The following ULK4 variants were observed in gnomAD, a reference collection of about 807,000 sequenced individuals.
ULK4 encodes the protein unc-51 like kinase 4, also known as inactive serine/threonine-protein kinase ULK4.
A neutral mutation model predicts 160.6 loss-of-function variants in ULK4; 133 were observed. The observed-to-expected ratio is 0.83, with a 90% CI of 0.72 to 0.96. The LOEUF is 0.96. Among genes scored for constraint, ULK4 ranks in the 40% least tolerant of loss-of-function variants. ULK4 has a pLI of 0.00. For synonymous variants in ULK4, 534 were observed against 539.8 expected, an observed-to-expected ratio of 0.99 and a Z score of 0.15; for missense variants, 1,580 against 1,499.5, an observed-to-expected ratio of 1.05 and a Z score of -0.89.
At chr3:41,848,868 G>A (rs766876232) in intron 17 of ULK4, among the ~76,000 whole-genome samples, 1 of 152,178 alleles carries the variant, frequency 6.6e-6, no homozygotes, top group Admixed American at 6.5e-5. Flanking sequence ...AATAGATAGT[G>A]CTGTCCAGTT....
intron 12 of ULK4, among the ~76,000 whole-genome samples, chr3:41,901,479 C>CTTGTTTTTTTTTTTTTTTTTTTTTT (rs1698359125): frequency 1.3e-4 from 3 of 22,546 alleles, no homozygotes; most frequent in Non-Finnish European, 5.2e-4. Flanking sequence ...CACGCCCAGC[C>CTTGTTTTTTTTTTTTTTTTTTTTTT]TTTTTTTTTT....
intron 17 of ULK4, among the ~76,000 whole-genome samples, chr3:41,862,418 T>C (rs2042520296): frequency 6.6e-6 from 1 of 151,884 alleles, no homozygotes; most frequent in African/African-American, 2.4e-5. Context: ...ATAAAGTTCA[T>C]TGGTGAGGTC....
chr3:41,823,751 T>G (rs1185856471), intron 18 of ULK4, among the ~76,000 whole-genome samples: 1 of 152,248 alleles, frequency 6.6e-6, no homozygotes, highest in African/African-American at 2.4e-5. Context: ...AAGTTATTTA[T>G]TTTTGTAGAC....
intron 35 of ULK4, among the ~76,000 whole-genome samples, chr3:41,348,480 C>T (rs1342235734): frequency 6.6e-6 from 1 of 152,076 alleles, no homozygotes; most frequent in African/African-American, 2.4e-5. Context: ...CTATTATTAT[C>T]CTGGCTTTAC....
chr3:41,687,623 T>G (rs1240020936), intron 27 of ULK4, among the ~76,000 whole-genome samples: 4 of 152,146 alleles, frequency 2.6e-5, no homozygotes, highest in Admixed American at 6.5e-5. Flanking sequence ...TCCTGTGCCT[T>G]CCCATATAAG....
At chr3:41,863,887 G>A (rs946921459) in intron 17 of ULK4, among the ~76,000 whole-genome samples, 1 of 151,502 alleles carries the variant, frequency 6.6e-6, no homozygotes, top group Non-Finnish European at 1.5e-5. Context: ...TTTTTTTGGA[G>A]CCGCGAGCTA....
chr3:41,378,454 A>T (rs961044102), intron 35 of ULK4, among the ~76,000 whole-genome samples: 4 of 152,042 alleles, frequency 2.6e-5, no homozygotes, highest in Non-Finnish European at 4.4e-5. Flanking sequence ...ATGCAGCCAT[A>T]AAAAAGGATG....
At chr3:41,518,350 C>T (rs1262442849) in intron 32 of ULK4, among the ~76,000 whole-genome samples, 1 of 152,144 alleles carries the variant, frequency 6.6e-6, no homozygotes, top group Non-Finnish European at 1.5e-5. Context: ...TTTGGGGACT[C>T]ATTTTTAAGT....
chr3:41,956,452 T>C (rs998248828), intron 1 of ULK4, among the ~76,000 whole-genome samples: 44 of 152,306 alleles, frequency 2.9e-4, no homozygotes, highest in African/African-American at 1.1e-3. Context: ...CATTCTTTCC[T>C]TGCTGTGCTG....
chr3:41,697,492 CGT>C (rs1471605265), intron 27 of ULK4, among the ~76,000 whole-genome samples: 3 of 151,930 alleles, frequency 2.0e-5, no homozygotes, highest in Non-Finnish European at 4.4e-5. Context: ...AACTGTACAA[CGT>C]GTGTTTTAAA....
At chr3:41,855,206 C>A (rs955330946) in intron 17 of ULK4, among the ~76,000 whole-genome samples, 3 of 137,664 alleles carry the variant, frequency 2.2e-5, no homozygotes, top group Admixed American at 2.1e-4. Context: ...GGTACCTTGA[C>A]CACGACTCTT....
At chr3:41,725,461 A>T (rs554836375) in intron 22 of ULK4, among the ~76,000 whole-genome samples, 45 of 152,272 alleles carry the variant, frequency 3.0e-4, no homozygotes, top group African/African-American at 1.0e-3. Flanking sequence ...TCTCCCAGAT[A>T]GCATTTCTCT....
intron 27 of ULK4, among the ~76,000 whole-genome samples, chr3:41,683,198 G>T (rs1173115769): frequency 1.3e-5 from 2 of 151,972 alleles, no homozygotes; most frequent in Non-Finnish European, 2.9e-5. Context: ...GTTTAACCGT[G>T]GCTTTTACTT....
At chr3:41,869,812 C>T (rs1411217650) in intron 17 of ULK4, among the ~76,000 whole-genome samples, 1 of 152,152 alleles carries the variant, frequency 6.6e-6, no homozygotes, top group Non-Finnish European at 1.5e-5. Context: ...CACTATAGTA[C>T]TCTTCAATTA....
chr3:41,897,809 C>T (rs1046347677), intron 14 of ULK4, among the ~76,000 whole-genome samples: 3 of 152,066 alleles, frequency 2.0e-5, no homozygotes, highest in Non-Finnish European at 4.4e-5. Flanking sequence ...AAATTTACTT[C>T]AAATCATAGA....
At chr3:41,514,649 C>G (rs2085693148) in intron 32 of ULK4, among the ~76,000 whole-genome samples, 5 of 152,048 alleles carry the variant, frequency 3.3e-5, no homozygotes, top group Admixed American at 2.6e-4. Context: ...AAAGTGGAGG[C>G]CATTATCCTG....
intron 2 of ULK4, 28 bp downstream of exon 2, chr3:41,954,594 C>G (rs1276506545): frequency 1.2e-6 from 2 of 1,600,686 alleles, no homozygotes; most frequent in Non-Finnish European, 1.7e-6. Context: ...CTCTCTTTCC[C>G]CATGCCAATG....
At chr3:41,256,691 A>G (rs745558430) in intron 35 of ULK4, among the ~76,000 whole-genome samples, 2 of 152,244 alleles carry the variant, frequency 1.3e-5, no homozygotes, top group African/African-American at 2.4e-5. Context: ...AGTTTTTAAC[A>G]TAAAAACATA....
intron 32 of ULK4, among the ~76,000 whole-genome samples, chr3:41,550,952 G>C: frequency 6.6e-6 from 1 of 151,740 alleles, no homozygotes. Context: ...ACATAATGGA[G>C]TAAAACTAGA....
Sources: gnomAD v4.1 joint callset for allele counts (sites outside exome capture counted in the v4.1 genomes callset) on GRCh38, gnomAD v4.1.1 for gene constraint, MANE v1.5 for transcripts, NCBI Gene and HGNC (gene_info 2026-07-23, HGNC 2026-07-21) for gene names.